The following MAD1L1 variants were observed in gnomAD, a reference collection of about 807,000 sequenced individuals.
The protein encoded by MAD1L1 is mitotic spindle assembly checkpoint protein MAD1.
In MAD1L1, 95 loss-of-function variants were observed where a neutral mutation model predicts 96.9. The observed-to-expected ratio is 0.98, with a 90% confidence interval of 0.83 to 1.16. MAD1L1 has a LOEUF of 1.16. MAD1L1 is among the 50% of genes most tolerant of loss of function. MAD1L1 has a pLI of 0.00. For missense variants in MAD1L1, 1,007 were observed against 954.4 expected (o/e 1.06, Z -0.73); for synonymous variants, 473 against 396.6 (o/e 1.19, Z -2.29).
chr7:1,859,443 G>A (rs1784413311), intron 18 of MAD1L1, among the ~76,000 whole-genome samples: 1 of 152,242 alleles, frequency 6.6e-6, no homozygotes, highest in East Asian at 1.9e-4. Flanking sequence ...CGTGCAAAGG[G>A]CTTTGAAAAG....
chr7:1,971,055 C>G (rs140175076), intron 15 of MAD1L1, among the ~76,000 whole-genome samples: 18 of 152,168 alleles, frequency 1.2e-4, no homozygotes, highest in Non-Finnish European at 2.2e-4. Context: ...TGCAGTGCCA[C>G]CCGGGGCCCA....
rs148293123 is a variant in MAD1L1 at position 2,038,051 on chromosome 7, A to G, written c.1219-23409T>C. Reference sequence around the variant, plus strand: ...GAAATTAAAAGTGCTGCTCCACTGAACACACCAACGATAAGAAAGTGAAAC... The same window carrying G: ...GAAATTAAAAGTGCTGCTCCACTGAGCACACCAACGATAAGAAAGTGAAAC... On this transcript the variant is annotated intron_variant, in intron 12 of 18. Coordinates refer to ENST00000265854, the MANE Select transcript of MAD1L1 (RefSeq NM_001013836.2). Among the ~76,000 whole-genome samples, 327 of 152,304 alleles carry G rather than the reference A, an allele frequency of 2.1e-3. 1 individual carries two copies. The highest frequency in any genetic ancestry group is 5.0e-3 in the Admixed American group (76 of 15,288).
intron 11 of MAD1L1, among the ~76,000 whole-genome samples, chr7:2,122,373 A>G (rs1323774033): frequency 2.0e-5 from 3 of 152,210 alleles, no homozygotes; most frequent in Non-Finnish European, 4.4e-5. Flanking sequence ...CACGCTTGTA[A>G]TCCTAAAAGT....
At chr7:2,130,196 A>G (rs1788447039) in intron 11 of MAD1L1, among the ~76,000 whole-genome samples, 1 of 152,228 alleles carries the variant, frequency 6.6e-6, no homozygotes, top group Non-Finnish European at 1.5e-5. Context: ...GGGCGCAGCC[A>G]TGGAGCTCAC....
chr7:1,861,061 C>T (rs778469873), intron 18 of MAD1L1, among the ~76,000 whole-genome samples: 12 of 152,374 alleles, frequency 7.9e-5, no homozygotes, highest in Non-Finnish European at 1.3e-4. Context: ...CCAGTCTGTA[C>T]CGCACAAGTC....
chr7:2,139,827 G>A (rs17132242), intron 11 of MAD1L1, among the ~76,000 whole-genome samples: 13,856 of 152,232 alleles, frequency 0.091, 1,361 homozygotes, highest in African/African-American at 0.25. Flanking sequence ...TTTGTGGGTG[G>A]TTTAGGCCTG....
intron 15 of MAD1L1, among the ~76,000 whole-genome samples, chr7:1,976,172 T>C (rs1271451883): frequency 6.6e-6 from 1 of 152,224 alleles, no homozygotes; most frequent in Non-Finnish European, 1.5e-5. Flanking sequence ...TGTGTGGCTG[T>C]GCATGTGTGT....
intron 17 of MAD1L1, among the ~76,000 whole-genome samples, chr7:1,908,731 G>A (rs532136770): frequency 3.9e-5 from 6 of 152,186 alleles, no homozygotes; most frequent in Admixed American, 2.6e-4. Context: ...GCCTGAATCC[G>A]TTCTGACTTC....
intron 10 of MAD1L1, among the ~76,000 whole-genome samples, chr7:2,159,774 C>T (rs553392082): frequency 6.6e-6 from 1 of 152,298 alleles, no homozygotes; most frequent in African/African-American, 2.4e-5. Flanking sequence ...TACAATGGAA[C>T]TTGTGTAAGA....
At chr7:2,130,541 T>G (rs1425684126) in intron 11 of MAD1L1, among the ~76,000 whole-genome samples, 1 of 152,130 alleles carries the variant, frequency 6.6e-6, no homozygotes, top group East Asian at 1.9e-4. Context: ...CCCCAATGAT[T>G]CCAAACATAA....
intron 10 of MAD1L1, among the ~76,000 whole-genome samples, chr7:2,149,565 C>T (rs548397574): frequency 6.6e-6 from 1 of 152,352 alleles, no homozygotes; most frequent in East Asian, 1.9e-4. Context: ...GCCCCTGGCA[C>T]AGGGGAGGTG....
chr7:2,128,479 T>C (rs1471082749), intron 11 of MAD1L1, among the ~76,000 whole-genome samples: 1 of 152,214 alleles, frequency 6.6e-6, no homozygotes, highest in Admixed American at 6.5e-5. Context: ...GGAAGGCTGC[T>C]TCTGGAAGAT....
In MAD1L1 at chr7:1,891,390, G is replaced by C. The variant is rs146998747; in HGVS notation, c.1998+6810C>G. Among the ~76,000 whole-genome samples, 603 of 152,180 alleles carry C rather than the reference G, an allele frequency of 4.0e-3. 5 individuals are homozygous for C. Among genetic ancestry groups the C allele is most frequent in the African/African-American group, 0.013 (552 of 41,512 alleles). On this transcript the variant is annotated intron_variant, in intron 18 of 18. Coordinates refer to ENST00000265854, the MANE Select transcript of MAD1L1 (RefSeq NM_001013836.2). ...AGTACAAAAAAATTAGCTGGGTGTG[G>C]TGGCGCACCCCTGTAATGCCAGGTA...
intron 15 of MAD1L1, among the ~76,000 whole-genome samples, chr7:1,974,111 C>T (rs1780526014): frequency 6.6e-6 from 1 of 152,180 alleles, no homozygotes. Flanking sequence ...GGACAGGGTG[C>T]CCCACCGCAA....
At position 2,161,696 on chromosome 7, in the gene MAD1L1, G is replaced by T. The variant is rs563160712; in HGVS notation, c.987-12458C>A. 2.6e-5 allele frequency among the ~76,000 whole-genome samples: 4 copies of T among 151,820 alleles called. No individual in the cohort carries two copies. In the South Asian group the frequency reaches 8.3e-4, roughly 32 times the overall value. On this transcript the variant is annotated intron_variant, in intron 10 of 18. Coordinates refer to ENST00000265854, the MANE Select transcript of MAD1L1 (RefSeq NM_001013836.2). ...CCCGGCCGCCCATCGTCTGGGATGT[G>T]GGGAGCGCCTCTGCCCCGCCGCCCC...
chr7:1,979,350 G>A (rs1407269236), intron 15 of MAD1L1, among the ~76,000 whole-genome samples: 2 of 152,198 alleles, frequency 1.3e-5, no homozygotes, highest in Non-Finnish European at 2.9e-5. Context: ...CTGGCCTGCT[G>A]CAGACACTCA....
At chr7:1,936,627 C>A in intron 17 of MAD1L1, 60 bp downstream of exon 17, 1 of 1,498,078 alleles carries the variant, frequency 6.7e-7, no homozygotes, top group Non-Finnish European at 9.0e-7. Flanking sequence ...CAAAGGCGCA[C>A]GGATGGACCT....
At chr7:2,153,882 G>T (rs1031645104) in intron 10 of MAD1L1, among the ~76,000 whole-genome samples, 5 of 152,270 alleles carry the variant, frequency 3.3e-5, no homozygotes, top group African/African-American at 1.2e-4. Flanking sequence ...GCTGGGCCGA[G>T]CGCGGTGGCT....
intron 11 of MAD1L1, among the ~76,000 whole-genome samples, chr7:2,144,206 AGAGCTTCCAGCTGG>A (rs1789180273): frequency 2.0e-5 from 3 of 152,222 alleles, no homozygotes. Context: ...GGGAATCATA[AGAGCTTCCAGCTGG>A]GAGCGTCTGT....
Sources: gnomAD v4.1 joint callset for allele counts (sites outside exome capture counted in the v4.1 genomes callset) on GRCh38, gnomAD v4.1.1 for gene constraint, MANE v1.5 for transcripts, NCBI Gene and HGNC (gene_info 2026-07-23, HGNC 2026-07-21) for gene names.